The following GABPB1 variants were observed in gnomAD, a reference collection of about 807,000 sequenced individuals.
GABPB1 encodes GA binding protein transcription factor subunit beta 1.
A neutral mutation model predicts 45.9 loss-of-function variants in GABPB1; 15 were observed. The ratio of observed to expected loss-of-function variants is 0.33; its 90% CI spans 0.22 to 0.50. The LOEUF (loss-of-function observed/expected upper bound fraction) is 0.50. GABPB1 is among the 20% of genes least tolerant of loss of function. GABPB1 has a pLI of 0.98. For missense variants in GABPB1, 252 were observed against 457.5 expected (o/e 0.55, Z 4.10); for synonymous variants, 143 against 154.4 (o/e 0.93, Z 0.55).
intron 2 of GABPB1, among the ~76,000 whole-genome samples, chr15:50,307,632 G>A (rs1405754235): frequency 1.3e-5 from 2 of 151,420 alleles, no homozygotes; most frequent in Admixed American, 1.3e-4. Flanking sequence ...AACCCGGCAG[G>A]CGGAGGTTGC....
chr15:50,311,786 T>A (rs1567511905), intron 1 of GABPB1, among the ~76,000 whole-genome samples: 1 of 152,122 alleles, frequency 6.6e-6, no homozygotes, highest in Non-Finnish European at 1.5e-5. Flanking sequence ...AGAAACAAAA[T>A]GTTCTACATC....
intron 1 of GABPB1, chr15:50,349,859 A>G (rs2048755848): frequency 6.6e-6 from 1 of 152,376 alleles, no homozygotes; most frequent in African/African-American, 2.4e-5. Flanking sequence ...TGTAGAAGTT[A>G]GAAAATTTGG....
At chr15:50,318,848 G>T (rs1041375046) in intron 1 of GABPB1, among the ~76,000 whole-genome samples, 4 of 152,242 alleles carry the variant, frequency 2.6e-5, no homozygotes, top group South Asian at 2.1e-4. Flanking sequence ...TACCATAAAG[G>T]TATACATGTC....
chr15:50,351,146 T>C (rs1443716494), intron 1 of GABPB1: 1 of 152,216 alleles, frequency 6.6e-6, no homozygotes, highest in Non-Finnish European at 1.5e-5. Flanking sequence ...TGATAAAGTC[T>C]GAGAATGAAT....
At chr15:50,316,577 C>G (rs932293030) in intron 1 of GABPB1, among the ~76,000 whole-genome samples, 1 of 150,176 alleles carries the variant, frequency 6.7e-6, no homozygotes, top group East Asian at 1.9e-4. Context: ...ATTTTCTCCA[C>G]TCCAATTTTG....
intron 8 of GABPB1, among the ~76,000 whole-genome samples, chr15:50,282,553 T>C (rs370031808): frequency 3.7e-5 from 1 of 27,336 alleles, no homozygotes; most frequent in African/African-American, 1.8e-4. Flanking sequence ...GACCCTGCCT[T>C]AAAAAAGAAA....
At chr15:50,354,238 A>C (rs1595865902) in intron 1 of GABPB1, 1 of 355,320 alleles carries the variant, frequency 2.8e-6, no homozygotes, top group Non-Finnish European at 5.5e-6. Flanking sequence ...GAGGCAGTGC[A>C]CCCGCAGTTC....
intron 8 of GABPB1, among the ~76,000 whole-genome samples, chr15:50,284,072 G>A (rs1424152679): frequency 6.6e-6 from 1 of 152,048 alleles, no homozygotes; most frequent in Non-Finnish European, 1.5e-5. Context: ...TATATCTCCT[G>A]ACGCTGCTTT....
Position 50,275,845 on chromosome 15 carries a change from ATAC to A in GABPB1, c.*2784_*2786del, listed in dbSNP as rs1342854892. On this transcript the variant is annotated 3_prime_UTR_variant, in exon 9 of 9. Transcript: ENST00000380877. ...TAGTTGAGAAGCACAGTCCCTGCAG[ATAC>A]TACTTCTCAGATGAGGCTTTCTGAA... 2 of 152,242 alleles carry A rather than the reference ATAC, an allele frequency of 1.3e-5. No individual in the cohort carries two copies. Among genetic ancestry groups the A allele is most frequent in the Non-Finnish European group, 2.9e-5 (2 of 68,046 alleles). 9.4% of individuals were successfully genotyped at this position (152,242 alleles called of 1,614,324 possible).
intron 6 of GABPB1, among the ~76,000 whole-genome samples, chr15:50,291,917 CAAAA>C (rs1369368939): frequency 1.2e-5 from 1 of 83,414 alleles, no homozygotes; most frequent in East Asian, 4.1e-4. Flanking sequence ...GACTCTGTCT[CAAAA>C]AAAAAAAAAA....
rs186397649 is a variant in GABPB1 at position 50,307,565 on chromosome 15, G to T, written c.108+2126C>A. On this transcript the variant is annotated intron_variant, in intron 2 of 8. Transcript: ENST00000380877. ...AAAATACAAAACATTAGCTGGGCTT[G>T]GTGGTGGGTGCCTGTAATCTCAGCT... Among the ~76,000 whole-genome samples the T allele has an allele frequency of 5.4e-3, 820 of 152,192 alleles. 6 individuals carry two copies. The highest frequency in any genetic ancestry group is 0.019 in the African/African-American group (785 of 41,510).
In GABPB1 at chr15:50,276,629, C is replaced by T. The variant is rs1159568123; in HGVS notation, c.*2003G>A. On this transcript the variant is annotated 3_prime_UTR_variant, in exon 9 of 9. Coordinates refer to ENST00000380877, the MANE Select transcript of GABPB1 (RefSeq NM_016654.5). ...AGAGGAGACTGGAAGTCAAAGACGACATTAAGTTAGCTTTCACAAACTTGT... is the reference window on the plus strand; with the variant it reads ...AGAGGAGACTGGAAGTCAAAGACGATATTAAGTTAGCTTTCACAAACTTGT... 1 of 152,252 alleles carries T rather than the reference C, an allele frequency of 6.6e-6. No homozygotes were observed. The highest frequency in any genetic ancestry group is 1.9e-4 in the East Asian group (1 of 5,200). The allele number at this position is 152,252 out of a possible 1,614,324, so 9.4% of individuals were successfully genotyped here.
At chr15:50,321,156 C>T (rs1276504720) in intron 1 of GABPB1, among the ~76,000 whole-genome samples, 2 of 152,128 alleles carry the variant, frequency 1.3e-5, no homozygotes, top group East Asian at 1.9e-4. Flanking sequence ...GCAATACACA[C>T]GAGTTAGCAT....
At chr15:50,354,792 C>A (rs2049031421) in intron 1 of GABPB1, 193 bp downstream of exon 1, 1 of 229,474 alleles carries the variant, frequency 4.4e-6, no homozygotes, top group South Asian at 4.2e-5. Context: ...GCGGCGCGGG[C>A]GCCCAGGCCG....
At chr15:50,322,348 G>C (rs1423163529) in intron 1 of GABPB1, among the ~76,000 whole-genome samples, 1 of 150,970 alleles carries the variant, frequency 6.6e-6, no homozygotes, top group East Asian at 1.9e-4. Flanking sequence ...GAGGTCAGGA[G>C]TTTAAGACCA....
At chr15:50,323,913 A>T (rs996315583) in intron 1 of GABPB1, among the ~76,000 whole-genome samples, 1 of 152,228 alleles carries the variant, frequency 6.6e-6, no homozygotes, top group Non-Finnish European at 1.5e-5. Flanking sequence ...ATTTAAATTT[A>T]AAAAAATGGC....
In GABPB1 at chr15:50,300,432, TTTGG is replaced by T. The variant is rs762900758; in HGVS notation, c.697+353_697+356del. 7.1e-4 allele frequency among the ~76,000 whole-genome samples: 55 copies of T among 77,508 alleles called. 6 individuals carry two copies. The highest frequency in any genetic ancestry group is 1.5e-3 in the Admixed American group (8 of 5,322). 50.8% of individuals were successfully genotyped at this position (77,508 alleles called of 152,430 possible). A position where few individuals can be genotyped will look rare whatever the true frequency, so the allele number is the denominator to read the frequency against. Reference sequence around the variant, plus strand: ...GTAAATATTTGAATCTGCAACTGTTTTTGGTTTTTTTTTTTTTTTTTTTTTTTTG... The same window carrying T: ...GTAAATATTTGAATCTGCAACTGTTTTTTTTTTTTTTTTTTTTTTTTTTTG... On this transcript the variant is annotated intron_variant, in intron 6 of 8. Coordinates refer to ENST00000380877, the MANE Select transcript of GABPB1 (RefSeq NM_016654.5).
At chr15:50,332,621 T>C (rs1295383044) in intron 1 of GABPB1, among the ~76,000 whole-genome samples, 1 of 152,152 alleles carries the variant, frequency 6.6e-6, no homozygotes, top group African/African-American at 2.4e-5. Context: ...TGTTAGGACT[T>C]ACTTTAAAAT....
chr15:50,298,097 T>C (rs1352521417), intron 6 of GABPB1, among the ~76,000 whole-genome samples: 1 of 152,176 alleles, frequency 6.6e-6, no homozygotes, highest in East Asian at 1.9e-4. Flanking sequence ...TTCGTTTTTG[T>C]TTTTTTGTTT....
Sources: gnomAD v4.1 joint callset for allele counts (sites outside exome capture counted in the v4.1 genomes callset) on GRCh38, gnomAD v4.1.1 for gene constraint, MANE v1.5 for transcripts, NCBI Gene and HGNC (gene_info 2026-07-23, HGNC 2026-07-21) for gene names.